Variants in UTRN observed in about 807,000 individuals in gnomAD.
UTRN encodes dystrophin-related protein 1.
Under a neutral mutation model 463.9 loss-of-function variants are expected in UTRN, and 283 were observed. That is an observed-to-expected ratio of 0.61 (90% CI 0.55 to 0.67). The LOEUF (loss-of-function observed/expected upper bound fraction) is 0.67, where lower values mean the gene tolerates loss of function less well. Ranked by LOEUF, UTRN falls within the 30% of genes least tolerant of loss-of-function variation. The pLI, the probability that UTRN is intolerant of heterozygous loss-of-function variation, is 0.00. For missense variants in UTRN, 3,922 were observed against 4,084.3 expected (o/e 0.96, Z 1.08); for synonymous variants, 1,442 against 1,431.5 (o/e 1.01, Z -0.17).
chr6:144,599,438 T>A (rs910558949), intron 51 of UTRN, among the ~76,000 whole-genome samples: 14 of 152,196 alleles, frequency 9.2e-5, no homozygotes, highest in African/African-American at 2.9e-4. Context: ...AGGAGTGAAA[T>A]GGATATGTCA....
In UTRN at chr6:144,439,212, G is replaced by A. The variant is rs181281023; in HGVS notation, c.1392+317G>A. 2.6e-5 allele frequency among the ~76,000 whole-genome samples: 4 copies of A among 152,294 alleles called. No homozygotes were observed. In the East Asian group the frequency reaches 7.7e-4, roughly 29 times the overall value. On this transcript the variant is annotated intron_variant, in intron 12 of 74. Transcript: ENST00000367545. The stretch of plus-strand genomic sequence containing the variant: ...CATGTTGGCGTTCACATGGTGTGTG[G>A]GTGAAGAGCAAATTCTTCGTCTATG...
At chr6:144,404,658 A>G (rs1006093647) in intron 3 of UTRN, among the ~76,000 whole-genome samples, 2 of 152,246 alleles carry the variant, frequency 1.3e-5, no homozygotes, top group African/African-American at 4.8e-5. Flanking sequence ...TTTTGAAAGC[A>G]TTAAACTTGG....
intron 65 of UTRN, among the ~76,000 whole-genome samples, chr6:144,806,882 T>G (rs1586652695): frequency 6.6e-6 from 1 of 152,170 alleles, no homozygotes; most frequent in Admixed American, 6.6e-5. Flanking sequence ...TATTCAGAAA[T>G]CATTGCTTTC....
chr6:144,582,716 C>T (rs1306350487), intron 51 of UTRN, among the ~76,000 whole-genome samples: 1 of 152,144 alleles, frequency 6.6e-6, no homozygotes, highest in East Asian at 1.9e-4. Context: ...AATGGCTTTC[C>T]TTCTAGGCAG....
At chr6:144,463,178 A>G (rs781634913) in intron 23 of UTRN, among the ~76,000 whole-genome samples, 124 of 152,350 alleles carry the variant, frequency 8.1e-4, no homozygotes, top group Non-Finnish European at 1.5e-3. Context: ...TGATTAGATT[A>G]TAGTAGTAAC....
chr6:144,792,306 G>T (rs760345356), intron 62 of UTRN, among the ~76,000 whole-genome samples: 1 of 152,188 alleles, frequency 6.6e-6, no homozygotes, highest in Non-Finnish European at 1.5e-5. Context: ...CAGCACTTTG[G>T]GAGGCCGATG....
At chr6:144,841,419 A>G (rs1298305538) in intron 73 of UTRN, among the ~76,000 whole-genome samples, 4 of 152,220 alleles carry the variant, frequency 2.6e-5, no homozygotes, top group African/African-American at 9.6e-5. Context: ...CTGAACAACC[A>G]AGAGCCAGAA....
chr6:144,287,631 A>C (rs1803824800), intron 1 of UTRN, among the ~76,000 whole-genome samples: 2 of 152,250 alleles, frequency 1.3e-5, no homozygotes, highest in South Asian at 4.1e-4. Flanking sequence ...CTAAAATCTT[A>C]AAAAATTGAA....
At chr6:144,311,208 C>G (rs73008897) in intron 2 of UTRN, among the ~76,000 whole-genome samples, 4,434 of 152,294 alleles carry the variant, frequency 0.029, 91 homozygotes, top group Non-Finnish European at 0.049. Flanking sequence ...GAATACTTCA[C>G]TTGGTTATGT....
chr6:144,499,291 C>T lies in UTRN; in HGVS notation c.4628C>T (p.Ser1543Leu), dbSNP rs776278547. 1.2e-6 allele frequency: 2 copies of T among 1,613,270 alleles called. No homozygotes were observed. Among genetic ancestry groups the T allele is most frequent in the Non-Finnish European group, 1.7e-6 (2 of 1,179,422 alleles). The change falls in exon 34 of 75, where the codon TCA (serine) becomes TTA (leucine). Residue 1543 changes from serine to leucine, a missense_variant. Around this residue, in one of 3 missense-constraint regions of UTRN, gnomAD observed 2,349 missense variants for 2,303.8 expected, o/e 1.02. Transcript: ENST00000367545. ...TEGKQDLERA[S>L]QLARKMKKEA... ...GGAAAACAGGATCTGGAAAGAGCAT[C>T]ACAGTTGGCCCGGAAAATGAAGAAA...
At chr6:144,632,549 T>A (rs1371224266) in intron 51 of UTRN, among the ~76,000 whole-genome samples, 1 of 152,178 alleles carries the variant, frequency 6.6e-6, no homozygotes, top group East Asian at 1.9e-4. Flanking sequence ...AGCAGAGATG[T>A]ACAATTTTGT....
chr6:144,505,420 T>A (rs543988012), intron 34 of UTRN, among the ~76,000 whole-genome samples: 30 of 152,324 alleles, frequency 2.0e-4, no homozygotes, highest in Non-Finnish European at 3.7e-4. Context: ...AAACACTGCT[T>A]TAGCTGTGTC....
chr6:144,533,780 C>G (rs1797288938), intron 43 of UTRN, among the ~76,000 whole-genome samples: 1 of 151,504 alleles, frequency 6.6e-6, no homozygotes, highest in African/African-American at 2.4e-5. Flanking sequence ...TACAGTGACT[C>G]AGATTTTATT....
intron 60 of UTRN, among the ~76,000 whole-genome samples, chr6:144,775,605 G>T (rs117347031): frequency 2.0e-5 from 3 of 152,166 alleles, no homozygotes; most frequent in South Asian, 4.1e-4. Context: ...TTTGGTCTGC[G>T]CAGGAGTCCA....
At chr6:144,726,246 A>C (rs1054550640) in intron 53 of UTRN, among the ~76,000 whole-genome samples, 1 of 152,308 alleles carries the variant, frequency 6.6e-6, no homozygotes, top group African/African-American at 2.4e-5. Context: ...GAAGCAGTGC[A>C]GTGGTCTTTG....
intron 37 of UTRN, 60 bp from the exon 38 acceptor site, chr6:144,516,169 G>C: frequency 6.5e-7 from 1 of 1,548,744 alleles, no homozygotes; most frequent in Non-Finnish European, 8.8e-7. Flanking sequence ...CCATCTCTCT[G>C]ATTAATGATG....
At chr6:144,740,824 T>A (rs535337714) in intron 54 of UTRN, among the ~76,000 whole-genome samples, 1 of 152,356 alleles carries the variant, frequency 6.6e-6, no homozygotes. Context: ...AAGAATTATA[T>A]GATAAAGATT....
At chr6:144,648,306 T>C (rs1021448354) in intron 51 of UTRN, among the ~76,000 whole-genome samples, 1 of 152,194 alleles carries the variant, frequency 6.6e-6, no homozygotes, top group Admixed American at 6.5e-5. Context: ...TACCCTAATA[T>C]CCATTTCTTG....
intron 2 of UTRN, among the ~76,000 whole-genome samples, chr6:144,292,370 A>G (rs1269038330): frequency 6.6e-6 from 1 of 152,206 alleles, no homozygotes; most frequent in African/African-American, 2.4e-5. Context: ...GAAATATCTT[A>G]TGAGCCTTCT....
Sources: gnomAD v4.1 joint callset for allele counts (sites outside exome capture counted in the v4.1 genomes callset) on GRCh38, gnomAD v4.1.1 for gene constraint, gnomAD v4.1.1 regional missense constraint, MANE v1.5 for transcripts, NCBI Gene and HGNC (gene_info 2026-07-23, HGNC 2026-07-21) for gene names.